RBMS1: variants seen among roughly 807,000 people sequenced by gnomAD.
RBMS1 encodes RNA binding motif single stranded interacting protein 1, also known as RNA-binding motif, single-stranded-interacting protein 1.
In RBMS1, 17 loss-of-function variants were observed where a neutral mutation model predicts 62.3. That is an observed-to-expected ratio of 0.27 (90% CI 0.19 to 0.41). The LOEUF is 0.41. RBMS1 is among the 10% of genes least tolerant of loss of function. The pLI is 1.00. For synonymous variants in RBMS1, 172 were observed against 170.0 expected (o/e 1.01, Z -0.09); for missense variants, 334 against 504.5 (o/e 0.66, Z 3.24).
chr2:160,335,884 C>G (rs1213955184), intron 2 of RBMS1, among the ~76,000 whole-genome samples: 4 of 152,104 alleles, frequency 2.6e-5, no homozygotes, highest in Non-Finnish European at 5.9e-5. Flanking sequence ...ACAAAGAGGA[C>G]CATTCATTAA....
chr2:160,280,002 A>T (rs56360401), intron 10 of RBMS1, among the ~76,000 whole-genome samples: 5,170 of 151,416 alleles, frequency 0.034, 143 homozygotes, highest in Middle Eastern at 0.11. Context: ...TCTGTTAGAA[A>T]TTTTTTTTTT....
chr2:160,320,836 G>A (rs548446452), intron 2 of RBMS1, among the ~76,000 whole-genome samples: 25 of 152,116 alleles, frequency 1.6e-4, no homozygotes, highest in Admixed American at 5.2e-4. Context: ...ACAGGAACAC[G>A]AAAAATGGAC....
At chr2:160,463,010 C>T (rs1417869254) in intron 1 of RBMS1, among the ~76,000 whole-genome samples, 1 of 151,798 alleles carries the variant, frequency 6.6e-6, no homozygotes, top group African/African-American at 2.4e-5. Flanking sequence ...TTACAGTATA[C>T]ATGAAAGGAA....
Position 160,303,354 on chromosome 2 carries a change from G to A in RBMS1, c.536C>T (p.Thr179Ile), listed in dbSNP as rs1482168701. Residue 179 changes from threonine to isoleucine, a missense_variant, in exon 5 of 14, where the codon ACA becomes ATA. Coordinates refer to ENST00000348849, the MANE Select transcript of RBMS1 (RefSeq NM_016836.4). Reference protein sequence around the residue: ...STRILRDSSGTSRGVGFARME... With the variant: ...STRILRDSSGISRGVGFARME... ...CCTAGCAAAGCCAACACCACGACTTGTACCACTGGAATCACGTAGTATCCT... is the reference window on the plus strand; with the variant it reads ...CCTAGCAAAGCCAACACCACGACTTATACCACTGGAATCACGTAGTATCCT... 3.1e-6 allele frequency: 5 copies of A among 1,611,374 alleles called. No homozygotes were observed. In the South Asian group the frequency reaches 4.4e-5, roughly 14 times the overall value.
chr2:160,336,750 A>G (rs1200410529), intron 2 of RBMS1, among the ~76,000 whole-genome samples: 1 of 151,988 alleles, frequency 6.6e-6, no homozygotes, highest in Admixed American at 6.6e-5. Context: ...GCGTATCTCT[A>G]TTTGGACTCG....
intron 2 of RBMS1, among the ~76,000 whole-genome samples, chr2:160,365,402 G>A (rs909366219): frequency 2.0e-5 from 3 of 152,142 alleles, no homozygotes; most frequent in Non-Finnish European, 4.4e-5. Flanking sequence ...TAATAGCAAG[G>A]AGAGTAATGT....
At chr2:160,473,723 T>A (rs547160683) in intron 1 of RBMS1, among the ~76,000 whole-genome samples, 3 of 152,298 alleles carry the variant, frequency 2.0e-5, no homozygotes, top group Admixed American at 2.0e-4. Context: ...ACCAGAACAG[T>A]CTGCTCTGAA....
At position 160,357,763 on chromosome 2, in the gene RBMS1, A is replaced by C. The variant is rs141336867; in HGVS notation, c.251+9453T>G. Among the ~76,000 whole-genome samples, 216 of 152,264 alleles carry C rather than the reference A, an allele frequency of 1.4e-3. 2 individuals carry two copies. Among genetic ancestry groups the C allele is most frequent in the African/African-American group, 4.9e-3 (205 of 41,574 alleles). On this transcript the variant is annotated intron_variant, in intron 2 of 13. Coordinates refer to ENST00000348849, the MANE Select transcript of RBMS1 (RefSeq NM_016836.4). ...ACAGCAATTTTCAAGAGGGGATTAA[A>C]CACTGTGTTAATTTTTGAAAACTGC...
chr2:160,484,586 A>G (rs1024189467), intron 1 of RBMS1, among the ~76,000 whole-genome samples: 3 of 146,242 alleles, frequency 2.1e-5, no homozygotes, highest in Admixed American at 1.4e-4. Context: ...GTTACGAAGC[A>G]TTGGCCGGGC....
At chr2:160,294,230 A>T (rs1470027540) in intron 6 of RBMS1, among the ~76,000 whole-genome samples, 2 of 152,256 alleles carry the variant, frequency 1.3e-5, no homozygotes, top group African/African-American at 2.4e-5. Context: ...TTAAAGAAAC[A>T]TCTGCTATAA....
chr2:160,435,431 T>A (rs1683070116), intron 1 of RBMS1, among the ~76,000 whole-genome samples: 1 of 152,240 alleles, frequency 6.6e-6, no homozygotes, highest in African/African-American at 2.4e-5. Flanking sequence ...TTGCCAAAGG[T>A]GACCCGAACA....
At chr2:160,321,747 C>T (rs563683901) in intron 2 of RBMS1, among the ~76,000 whole-genome samples, 1 of 152,316 alleles carries the variant, frequency 6.6e-6, no homozygotes, top group East Asian at 1.9e-4. Flanking sequence ...CCACCACTAA[C>T]TCAGTAATTC....
chr2:160,447,065 C>T (rs981212627), intron 1 of RBMS1, among the ~76,000 whole-genome samples: 8 of 152,258 alleles, frequency 5.3e-5, no homozygotes, highest in South Asian at 4.1e-4. Context: ...GAAGTACTTA[C>T]GAAATAACCT....
intron 1 of RBMS1, among the ~76,000 whole-genome samples, chr2:160,458,551 C>A (rs1024505178): frequency 6.6e-6 from 1 of 152,142 alleles, no homozygotes; most frequent in African/African-American, 2.4e-5. Context: ...AATCCCAGCA[C>A]TTTGGGAGGC....
intron 1 of RBMS1, among the ~76,000 whole-genome samples, chr2:160,389,302 T>A (rs1473592801): frequency 6.6e-6 from 1 of 152,194 alleles, no homozygotes; most frequent in Admixed American, 6.5e-5. Flanking sequence ...AAAATATGCA[T>A]GAAATACATA....
chr2:160,475,805 C>G (rs891675947), intron 1 of RBMS1, among the ~76,000 whole-genome samples: 1 of 151,690 alleles, frequency 6.6e-6, no homozygotes, highest in Non-Finnish European at 1.5e-5. Context: ...ATTAATAATG[C>G]CCCATCCATA....
rs566086307 is a variant in RBMS1 at position 160,483,793 on chromosome 2, T to G, written c.75+9496A>C. Reference sequence around the variant, plus strand: ...AAGAAGAGAGAAAGTAAACACACTTTGAAACTGTTCAGACCCTTGCTGGAT... The same window carrying G: ...AAGAAGAGAGAAAGTAAACACACTTGGAAACTGTTCAGACCCTTGCTGGAT... On this transcript the variant is annotated intron_variant, in intron 1 of 13. Transcript: ENST00000348849. Among the ~76,000 whole-genome samples, 20 of 152,232 alleles carry G rather than the reference T, an allele frequency of 1.3e-4. No individual in the cohort carries two copies. In the South Asian group the frequency reaches 4.1e-3, roughly 32 times the overall value.
chr2:160,321,188 T>G (rs1287199697), intron 2 of RBMS1, among the ~76,000 whole-genome samples: 1 of 152,142 alleles, frequency 6.6e-6, no homozygotes, highest in Non-Finnish European at 1.5e-5. Flanking sequence ...TCAGTAGTGC[T>G]GAATGCAAGC....
chr2:160,349,333 G>C (rs1289437891), intron 2 of RBMS1, among the ~76,000 whole-genome samples: 1 of 152,024 alleles, frequency 6.6e-6, no homozygotes, highest in Non-Finnish European at 1.5e-5. Context: ...GTATTTATTC[G>C]TAGCCTGCTT....
Sources: gnomAD v4.1 joint callset for allele counts (sites outside exome capture counted in the v4.1 genomes callset) on GRCh38, gnomAD v4.1.1 for gene constraint, MANE v1.5 for transcripts, NCBI Gene and HGNC (gene_info 2026-07-23, HGNC 2026-07-21) for gene names.